The following CACNA1S variants were observed in gnomAD, a reference collection of about 807,000 sequenced individuals.
CACNA1S encodes the protein voltage-dependent L-type calcium channel subunit alpha-1S.
CACNA1S carries 126 observed loss-of-function variants against 207.4 expected under a neutral mutation model. The ratio of observed to expected loss-of-function variants is 0.61; its 90% CI spans 0.53 to 0.70. The LOEUF (loss-of-function observed/expected upper bound fraction) is 0.70. Ranked by LOEUF, CACNA1S falls within the 30% of genes least tolerant of loss-of-function variation. The pLI, the probability that CACNA1S is intolerant of heterozygous loss-of-function variation, is 0.00. For missense variants in CACNA1S, 2,349 were observed against 2,422.8 expected (o/e 0.97, Z 0.64); for synonymous variants, 960 against 932.7 (o/e 1.03, Z -0.53).
intron 22 of CACNA1S, among the ~76,000 whole-genome samples, chr1:201,064,098 T>C (rs1661157193): frequency 6.6e-6 from 1 of 152,148 alleles, no homozygotes; most frequent in African/African-American, 2.4e-5. Flanking sequence ...GGAAGGGACG[T>C]GGAAGCCAAA....
chr1:201,093,767 T>C (rs1486036286), intron 3 of CACNA1S, 115 bp downstream of exon 3: 1 of 1,293,048 alleles, frequency 7.7e-7, no homozygotes, highest in Admixed American at 1.7e-5. Context: ...CTCCATGCAG[T>C]GGTTAGCACA....
rs771092318 is a variant in CACNA1S at position 201,052,665 on chromosome 1, G to A, written c.3862-17C>T. 2.5e-6 allele frequency: 4 copies of A among 1,599,054 alleles called. No individual in the cohort carries two copies. Among genetic ancestry groups the A allele is most frequent in the Admixed American group, 3.3e-5 (2 of 59,994 alleles). On this transcript the variant is annotated splice_polypyrimidine_tract_variant and intron_variant, in intron 31 of 43. Transcript: ENST00000362061. The stretch of plus-strand genomic sequence containing the variant: ...CCCAAACATCTGCAAGTCACAAAGG[G>A]CCCTGACTGTGGAACCTAGATTAAA...
intron 2 of CACNA1S, among the ~76,000 whole-genome samples, chr1:201,101,543 A>G (rs1662664970): frequency 6.6e-6 from 1 of 152,260 alleles, no homozygotes; most frequent in African/African-American, 2.4e-5. Flanking sequence ...CGGCTGGGGC[A>G]GGGCCGGGTG....
At chr1:201,091,818 A>C in intron 4 of CACNA1S, 26 bp from the exon 5 acceptor site, 1 of 1,608,072 alleles carries the variant, frequency 6.2e-7, no homozygotes. Flanking sequence ...GGGAAGGGAA[A>C]AGAGGAGTCG....
chr1:201,075,612 G>C lies in CACNA1S; in HGVS notation c.1831C>G (p.Leu611Val). 1 of 1,614,096 alleles carries C rather than the reference G, an allele frequency of 6.2e-7. No homozygotes were observed. The highest frequency in any genetic ancestry group is 8.5e-7 in the Non-Finnish European group (1 of 1,179,906). The stretch of plus-strand genomic sequence containing the variant: ...ATTGAGGTCCAGTCTTCCCCTGTCA[G>C]TACCTGTATGGAGGGAGGATAGAGG... ...PQALISVFQV[L>V]TGEDWTSMMY... Residue 611 changes from leucine to valine, a missense_variant, in exon 13 of 44, where the codon CTG becomes GTG. Transcript: ENST00000362061.
chr1:201,061,866 G>T, intron 24 of CACNA1S, 78 bp downstream of exon 24: 1 of 1,522,156 alleles, frequency 6.6e-7, no homozygotes, highest in Non-Finnish European at 9.1e-7. Context: ...GCACCGTGGG[G>T]GCTGCAGAAG....
intron 17 of CACNA1S, 66 bp from the exon 18 acceptor site, chr1:201,069,667 T>C: frequency 3.2e-6 from 5 of 1,538,714 alleles, no homozygotes; most frequent in Non-Finnish European, 4.4e-6. Flanking sequence ...CTCATCAGCC[T>C]CCATCCTGCG....
At chr1:201,093,186 G>C (rs1184574022) in intron 3 of CACNA1S, among the ~76,000 whole-genome samples, 2 of 152,204 alleles carry the variant, frequency 1.3e-5, no homozygotes, top group Non-Finnish European at 2.9e-5. Flanking sequence ...TCAGAATGTG[G>C]TTGTATTTGG....
chr1:201,111,194 G>A (rs1663089575), intron 1 of CACNA1S, among the ~76,000 whole-genome samples: 1 of 152,234 alleles, frequency 6.6e-6, no homozygotes, highest in African/African-American at 2.4e-5. Flanking sequence ...GAGCGGGTCA[G>A]GGGAACAGGG....
chr1:201,089,288 G>A lies in CACNA1S; in HGVS notation c.870C>T (p.Thr290=), dbSNP rs780305979. Residue 290 remains threonine, a synonymous_variant, in exon 6 of 44, where the codon ACC becomes ACT. Transcript: ENST00000362061. ...FSMLTVYQCI[T]MEGWTDVLYW... Reference sequence around the variant, plus strand: ...AAAGGACGTCAGTCCATCCCTCCATGGTAATGCACTGGTACACGGTGAGCA... The same window carrying A: ...AAAGGACGTCAGTCCATCCCTCCATAGTAATGCACTGGTACACGGTGAGCA... 28 of 1,614,110 alleles carry A rather than the reference G, an allele frequency of 1.7e-5. No homozygotes were observed. Among genetic ancestry groups the A allele is most frequent in the Non-Finnish European group, 2.4e-5 (28 of 1,180,036 alleles).
At chr1:201,071,095 G>A (rs1432638530) in intron 16 of CACNA1S, among the ~76,000 whole-genome samples, 2 of 152,126 alleles carry the variant, frequency 1.3e-5, no homozygotes, top group African/African-American at 4.8e-5. Context: ...GAAATCCTCA[G>A]CTCCCAGGGT....
In CACNA1S at chr1:201,076,916, C is replaced by T. The variant is rs1202075766; in HGVS notation, c.1827+4G>A. The stretch of plus-strand genomic sequence containing the variant: ...AAGGAGGGACACGCAGAGGGAGAGC[C>T]TACCTGGAAGACGCTGATGAGGGCT... On this transcript the variant is annotated splice_donor_region_variant and intron_variant, in intron 12 of 43. Coordinates refer to ENST00000362061, the MANE Select transcript of CACNA1S (RefSeq NM_000069.3). 6.2e-7 allele frequency: 1 copy of T among 1,613,862 alleles called. No homozygotes were observed. Among genetic ancestry groups the T allele is most frequent in the Non-Finnish European group, 8.5e-7 (1 of 1,179,758 alleles).
In CACNA1S at chr1:201,091,575, G is replaced by C. The variant is rs1191350799; in HGVS notation, c.694+65C>G. On this transcript the variant is annotated intron_variant, in intron 5 of 43. Transcript: ENST00000362061. ...AGCTCCGGGCTCCTTCACCAGGTAG[G>C]GTGGCTCCCCCTTCTGAGCCATCCT... 23 of 1,581,764 alleles carry C rather than the reference G, an allele frequency of 1.5e-5. No homozygotes were observed. In the East Asian group the frequency reaches 4.9e-4, roughly 34 times the overall value.
Position 201,053,669 on chromosome 1 carries a change from G to A in CACNA1S, c.3667-82C>T. 1.4e-6 allele frequency: 2 copies of A among 1,438,414 alleles called. No homozygotes were observed. Among genetic ancestry groups the A allele is most frequent in the Non-Finnish European group, 1.9e-6 (2 of 1,034,774 alleles). The allele number at this position is 1,438,414 out of a possible 1,614,324, so 89.1% of individuals were successfully genotyped here. A position where few individuals can be genotyped will look rare whatever the true frequency, so the allele number is the denominator to read the frequency against. On this transcript the variant is annotated intron_variant, in intron 29 of 43. Coordinates refer to ENST00000362061, the MANE Select transcript of CACNA1S (RefSeq NM_000069.3). This position sits in a 1 kb window ranked among gnomAD's most constrained non-coding sequence, Gnocchi z 5.1. The stretch of plus-strand genomic sequence containing the variant: ...GGCAGGGCGGGGAGGGAGGTGCACT[G>A]TGTGTTTTGGGGAGATGTTTGTGGC...
At position 201,052,602 on chromosome 1, in the gene CACNA1S, T is replaced by C. The variant is rs996499259; in HGVS notation, c.3908A>G (p.Asn1303Ser). The stretch of plus-strand genomic sequence containing the variant: ...TTGTGGGAAGGTCTGGAAGTTGTTG[T>C]TCCGGTTTATTTGGGTCCCATCCAC... ...ALVDGTQINR[N>S]NNFQTFPQAV... is the part of the protein sequence containing the mutation. The change falls in exon 32 of 44, where the codon AAC becomes AGC. Residue 1303 changes from asparagine to serine, a missense_variant. Physicochemically the swap from Asn to Ser is conservative, Grantham distance 46 (BLOSUM62 1). Coordinates refer to ENST00000362061, the MANE Select transcript of CACNA1S (RefSeq NM_000069.3). 4 of 1,614,000 alleles carry C rather than the reference T, an allele frequency of 2.5e-6. No individual in the cohort carries two copies. In the East Asian group the frequency reaches 8.9e-5, roughly 36 times the overall value.
chr1:201,093,306 G>GAC (rs1200632708), intron 3 of CACNA1S, among the ~76,000 whole-genome samples: 1 of 152,164 alleles, frequency 6.6e-6, no homozygotes, highest in Non-Finnish European at 1.5e-5. Context: ...CACACAAAGA[G>GAC]ACACCAAGGA....
chr1:201,083,431 T>G, intron 9 of CACNA1S, 109 bp from the exon 10 acceptor site: 1 of 1,105,276 alleles, frequency 9.0e-7, no homozygotes, highest in Non-Finnish European at 1.4e-6. Flanking sequence ...CCACCCCACT[T>G]CCGCCAGCCA....
intron 22 of CACNA1S, among the ~76,000 whole-genome samples, chr1:201,063,082 A>AG (rs1326079930): frequency 6.0e-5 from 9 of 149,980 alleles, no homozygotes; most frequent in African/African-American, 2.2e-4. Context: ...AGGCCCAGGT[A>AG]GGGGGGCTCT....
Position 201,091,923 on chromosome 1 carries a change from G to T in CACNA1S, c.541+49C>A, listed in dbSNP as rs371310303. 189 of 1,612,316 alleles carry T rather than the reference G, an allele frequency of 1.2e-4. No individual in the cohort carries two copies. The Middle Eastern group carries it at 2.1e-3, about 18-fold the overall frequency. ...GGGGACCCAGAACTGGGGGACAAGG[G>T]AACAGGAAGGGAGAGGAGAAAGGGG... is the stretch of plus-strand genomic sequence containing the variant. On this transcript the variant is annotated intron_variant, in intron 4 of 43. Transcript: ENST00000362061.
Sources: allele counts gnomAD v4.1 joint callset (sites outside exome capture counted in the v4.1 genomes callset), GRCh38; gene constraint gnomAD v4.1.1; non-coding constraint Gnocchi (gnomAD v3.1); transcripts MANE v1.5; gene names NCBI Gene and HGNC (gene_info 2026-07-23, HGNC 2026-07-21).